Variants in NEB observed in about 807,000 individuals in gnomAD.
NEB encodes the protein nemaline myopathy type 2.
In NEB, 512 loss-of-function variants were observed where a neutral mutation model predicts 952.2. The observed-to-expected ratio is 0.54, with a 90% CI of 0.50 to 0.58. The LOEUF (loss-of-function observed/expected upper bound fraction) is 0.58. Among genes scored for constraint, NEB ranks in the 20% least tolerant of loss-of-function variants. NEB has a pLI of 0.00. For missense variants in NEB, 8,428 were observed against 9,231.1 expected, an observed-to-expected ratio of 0.91 and a Z score of 3.56; for synonymous variants, 2,900 against 3,149.8, an observed-to-expected ratio of 0.92 and a Z score of 2.66.
At chr2:151,650,118 T>C (rs933043483) in intron 54 of NEB, 58 bp downstream of exon 54, 9 of 1,511,510 alleles carry the variant, frequency 6.0e-6, no homozygotes, top group Non-Finnish European at 8.2e-6. Context: ...GCAAGTGCTA[T>C]TGAGCAAACA....
intron 135 of NEB, among the ~76,000 whole-genome samples, chr2:151,542,712 G>A (rs909441796): frequency 3.3e-5 from 5 of 152,014 alleles, no homozygotes; most frequent in Admixed American, 3.3e-4. Flanking sequence ...AAAACCACCT[G>A]CTCAACTCCT....
Position 151,567,390 on chromosome 2 carries a change from C to T in NEB, c.17934G>A (p.Glu5978=). ...TCTCATTCTGAATCTGGCCTGCATGCTCAAACCAAACCAGCTTAGGATCAT... is the reference window on the plus strand; with the variant it reads ...TCTCATTCTGAATCTGGCCTGCATGTTCAAACCAAACCAGCTTAGGATCAT... ...MRDDPKLVWF[E]HAGQIQNERL... Residue 5978 remains glutamate (E), a synonymous_variant, in exon 114 of 182, where the codon GAG becomes GAA. Coordinates refer to ENST00000397345, the MANE Select transcript of NEB (RefSeq NM_001164508.2). The T allele has an allele frequency of 6.2e-7, 1 of 1,613,800 alleles. No individual in the cohort carries two copies. The highest frequency in any genetic ancestry group is 8.5e-7 in the Non-Finnish European group (1 of 1,179,804).
In NEB at chr2:151,729,592, T is replaced by C. The variant is rs1461117895; in HGVS notation, c.78+23A>G. 1.9e-6 allele frequency: 3 copies of C among 1,612,050 alleles called. No homozygotes were observed. In the African/African-American group the frequency reaches 4.0e-5, roughly 22 times the overall value. The stretch of plus-strand genomic sequence containing the variant: ...CCTGCTTTAATGAGAATGCAGTTTA[T>C]GCAGCTGTGGGCTGGGCCTTACCTC... On this transcript the variant is annotated intron_variant, in intron 4 of 181. Coordinates refer to ENST00000397345, the MANE Select transcript of NEB (RefSeq NM_001164508.2).
chr2:151,516,813 T>C (rs1280722538), intron 156 of NEB, among the ~76,000 whole-genome samples: 1 of 152,186 alleles, frequency 6.6e-6, no homozygotes, highest in Non-Finnish European at 1.5e-5. Context: ...AAAAGAATCA[T>C]TGACAAGAGC....
chr2:151,655,724 G>A (rs1310070484), intron 50 of NEB, 93 bp downstream of exon 50: 2 of 1,336,478 alleles, frequency 1.5e-6, no homozygotes, highest in Non-Finnish European at 2.1e-6. Flanking sequence ...GCCTAGGAAT[G>A]ATGGACCTTA....
chr2:151,518,233 A>G (rs2079325830), intron 156 of NEB, 85 bp downstream of exon 156: 18 of 963,254 alleles, frequency 1.9e-5, no homozygotes, highest in Non-Finnish European at 3.4e-6. Flanking sequence ...TTTCTCAAAC[A>G]ATGGAGGGAA....
Position 151,490,004 on chromosome 2 carries a change from T to C in NEB, c.25371A>G (p.Val8457=). Residue 8457 remains valine, a synonymous_variant, in exon 181 of 182, where the codon GTA becomes GTG. Transcript: ENST00000397345. The part of the protein sequence containing the change: ...SSSVATQQTT[V]SSIPSHPSTA... The stretch of plus-strand genomic sequence containing the variant: ...TAGATGGATGAGATGGGATGGAAGA[T>C]ACCGTTGTCTGTTGGGTAGCAACTG... The C allele has an allele frequency of 6.2e-7, 1 of 1,612,188 alleles. No individual in the cohort carries two copies. The highest frequency in any genetic ancestry group is 8.5e-7 in the Non-Finnish European group (1 of 1,178,264).
intron 10 of NEB, among the ~76,000 whole-genome samples, chr2:151,712,916 T>A (rs982497536): frequency 2.0e-5 from 3 of 151,798 alleles, no homozygotes; most frequent in African/African-American, 7.3e-5. Context: ...GGGAAACCTT[T>A]CTCTCCAAAC....
At chr2:151,504,603 A>G (rs182860337) in intron 165 of NEB, among the ~76,000 whole-genome samples, 1 of 152,334 alleles carries the variant, frequency 6.6e-6, no homozygotes, top group African/African-American at 2.4e-5. Flanking sequence ...AAATCAAATG[A>G]GAGTTCAGTC....
At chr2:151,639,805 T>C (rs1454546907) in intron 62 of NEB, 52 bp downstream of exon 62, 1 of 1,444,232 alleles carries the variant, frequency 6.9e-7, no homozygotes, top group Non-Finnish European at 9.4e-7. Flanking sequence ...GTTTCTTTTT[T>C]GTTGATTCAG....
chr2:151,714,537 G>A (rs1577421560), intron 10 of NEB, among the ~76,000 whole-genome samples: 4 of 152,190 alleles, frequency 2.6e-5, no homozygotes, highest in South Asian at 4.2e-4. Context: ...GAAGGCTCCC[G>A]TGTGTGCATG....
At chr2:151,571,685 A>G (rs1485052078) in intron 107 of NEB, among the ~76,000 whole-genome samples, 2 of 152,252 alleles carry the variant, frequency 1.3e-5, no homozygotes, top group African/African-American at 2.4e-5. Context: ...CTGATTTACA[A>G]GTATTTTAAA....
chr2:151,555,329 G>C (rs1287492204), intron 124 of NEB, among the ~76,000 whole-genome samples: 3 of 152,180 alleles, frequency 2.0e-5, no homozygotes, highest in Admixed American at 2.0e-4. Context: ...AGCAATACTA[G>C]TACTTTTACT....
chr2:151,531,169 CAA>C, intron 144 of NEB, 68 bp from the exon 145 acceptor site: 1 of 1,065,764 alleles, frequency 9.4e-7, no homozygotes. Flanking sequence ...AATATAAATG[CAA>C]AGTTTTTTCC....
At position 151,724,869 on chromosome 2, in the gene NEB, C is replaced by G; in HGVS notation, c.495G>C (p.Gln165His). The change falls in exon 7 of 182, where the codon CAG becomes CAC. Residue 165 changes from glutamine to histidine, a missense_variant. Physicochemically the swap from Gln to His is conservative, Grantham distance 24. Coordinates refer to ENST00000397345, the MANE Select transcript of NEB (RefSeq NM_001164508.2). ...ATCATTGCCTTACCTTACTGACTTG[C>G]TGCGACACTTTCTTTGCATGTTCAA... ...KDIEHAKKVS[Q>H]QVSKVLYKQN... is the part of the protein sequence containing the mutation. The G allele has an allele frequency of 6.2e-7, 1 of 1,613,338 alleles. No homozygotes were observed. Among genetic ancestry groups the G allele is most frequent in the Non-Finnish European group, 8.5e-7 (1 of 1,179,510 alleles).
rs2153660026 is a variant in NEB at position 151,553,871 on chromosome 2, T to G, written c.19583A>C (p.Gln6528Pro). Residue 6528 changes from glutamine (Q) to proline (P), a missense_variant, in exon 126 of 182, where the codon CAA (glutamine) becomes CCA (proline). Gln to Pro is a moderately conservative substitution (Grantham distance 76). This residue lies in a region of NEB where 3,374 missense variants were observed against 3,651.5 expected (regional missense o/e 0.92). Transcript: ENST00000397345. ...GACTTTCCTGACGTGATCATTGACT[T>G]GCAAGTCGGGGTGGCAAATCCATTC... ...LHEWICHPDL[Q>P]VNDHVRKVTD... 9 of 1,613,686 alleles carry G rather than the reference T, an allele frequency of 5.6e-6. No homozygotes were observed. The highest frequency in any genetic ancestry group is 1.1e-5 in the South Asian group (1 of 91,040).
rs2152610080 is a variant in NEB at position 151,485,702 on chromosome 2, C to T, written c.*58G>A. The T allele has an allele frequency of 3.3e-6, 5 of 1,522,610 alleles. No homozygotes were observed. The highest frequency in any genetic ancestry group is 2.3e-5 in the East Asian group (1 of 43,852). The allele number at this position is 1,522,610 out of a possible 1,614,324, so 94.3% of individuals were successfully genotyped here. On this transcript the variant is annotated 3_prime_UTR_variant, in exon 182 of 182. Coordinates refer to ENST00000397345, the MANE Select transcript of NEB (RefSeq NM_001164508.2). ...TTAGGTAACAGTGGAGAGTCTAAAC[C>T]GAAACATTGACTGCAGGATCTGTAA...
rs1196253452 is a variant in NEB, at chr2:151,610,637, A to G, written c.11911-14T>C. 1.3e-6 allele frequency: 2 copies of G among 1,593,712 alleles called. No homozygotes were observed. Among genetic ancestry groups the G allele is most frequent in the Non-Finnish European group, 1.7e-6 (2 of 1,161,476 alleles). On this transcript the variant is annotated splice_polypyrimidine_tract_variant and intron_variant, in intron 79 of 181. Coordinates refer to ENST00000397345, the MANE Select transcript of NEB (RefSeq NM_001164508.2). ...GGTGTAAAGTTTCTAGGGAAGGGAT[A>G]ATAGACGACAGAAAATAAGAGTGTT...
At chr2:151,487,766 CAT>C (rs141261492) in intron 181 of NEB, among the ~76,000 whole-genome samples, 22 of 151,582 alleles carry the variant, frequency 1.5e-4, no homozygotes, top group South Asian at 6.3e-4. Flanking sequence ...TACATACACA[CAT>C]ATATATATAT....
Sources: gnomAD v4.1 joint callset for allele counts (sites outside exome capture counted in the v4.1 genomes callset) on GRCh38, gnomAD v4.1.1 for gene constraint, gnomAD v4.1.1 regional missense constraint, MANE v1.5 for transcripts, NCBI Gene and HGNC (gene_info 2026-07-23, HGNC 2026-07-21) for gene names.